The following SFMBT1 variants were observed in gnomAD, a reference collection of about 807,000 sequenced individuals.
SFMBT1 encodes scm-like with four MBT domains protein 1.
Under a neutral mutation model 108.7 loss-of-function variants are expected in SFMBT1, and 32 were observed. That is an observed-to-expected ratio of 0.29 (90% CI 0.22 to 0.40). The LOEUF is 0.40. Ranked by LOEUF, SFMBT1 falls within the 10% of genes least tolerant of loss-of-function variation. SFMBT1 has a pLI of 1.00. For synonymous variants in SFMBT1, 348 were observed against 369.5 expected, an observed-to-expected ratio of 0.94 and a Z score of 0.67; for missense variants, 816 against 1,059.6, an observed-to-expected ratio of 0.77 and a Z score of 3.19.
chr3:53,043,230 G>A (rs970180113), intron 1 of SFMBT1: 2 of 151,918 alleles, frequency 1.3e-5, no homozygotes, highest in African/African-American at 4.8e-5. Flanking sequence ...TTGCTTCAGT[G>A]GAGAATATTT....
At chr3:52,953,626 T>C (rs1219585071) in intron 3 of SFMBT1, among the ~76,000 whole-genome samples, 1 of 152,214 alleles carries the variant, frequency 6.6e-6, no homozygotes, top group Non-Finnish European at 1.5e-5. Flanking sequence ...CATGTCATAC[T>C]TATGTTCTGC....
At chr3:52,991,502 G>A (rs900212927) in intron 1 of SFMBT1, among the ~76,000 whole-genome samples, 8 of 151,556 alleles carry the variant, frequency 5.3e-5, no homozygotes, top group African/African-American at 1.2e-4. Flanking sequence ...GCGCCACCAT[G>A]CCTGGCTAAT....
chr3:52,924,574 G>A (rs11720488), intron 10 of SFMBT1, among the ~76,000 whole-genome samples: 13,650 of 152,036 alleles, frequency 0.09, 769 homozygotes, highest in Non-Finnish European at 0.13. Context: ...CCCGGGAGGC[G>A]GAGGTTGCAG....
chr3:53,017,077 T>C (rs1699149948), intron 1 of SFMBT1, among the ~76,000 whole-genome samples: 1 of 152,230 alleles, frequency 6.6e-6, no homozygotes, highest in Admixed American at 6.5e-5. Flanking sequence ...TATGCTACTA[T>C]GCTGAGTACT....
At chr3:52,928,479 G>T in intron 8 of SFMBT1, 138 bp from the exon 9 acceptor site, 1 of 814,858 alleles carries the variant, frequency 1.2e-6, no homozygotes, top group African/African-American at 1.7e-5. Flanking sequence ...TTAGCTCTGT[G>T]TTATGTAATA....
At chr3:52,965,142 T>C (rs1486390002) in intron 2 of SFMBT1, among the ~76,000 whole-genome samples, 1 of 152,068 alleles carries the variant, frequency 6.6e-6, no homozygotes, top group East Asian at 1.9e-4. Context: ...GTTGAGACTA[T>C]TCCCTTCCCT....
At chr3:52,969,405 C>T (rs1221162399) in intron 1 of SFMBT1, 147 bp from the exon 2 acceptor site, 8 of 711,694 alleles carry the variant, frequency 1.1e-5, no homozygotes, top group Admixed American at 3.9e-5. Context: ...AAATTGATAC[C>T]TTTTCTAATT....
At chr3:52,937,179 C>T (rs1703038064) in intron 4 of SFMBT1, among the ~76,000 whole-genome samples, 1 of 152,102 alleles carries the variant, frequency 6.6e-6, no homozygotes. Flanking sequence ...CTACCATATA[C>T]AAACAACTAT....
At chr3:52,976,779 A>T (rs1279601697) in intron 1 of SFMBT1, among the ~76,000 whole-genome samples, 1 of 152,246 alleles carries the variant, frequency 6.6e-6, no homozygotes, top group Non-Finnish European at 1.5e-5. Context: ...AATAACATGG[A>T]CATTTTTTTA....
At chr3:52,911,303 C>T (rs1702209566) in intron 16 of SFMBT1, 125 bp from the exon 17 acceptor site, 1 of 882,904 alleles carries the variant, frequency 1.1e-6, no homozygotes, top group East Asian at 2.8e-5. Flanking sequence ...CTTTATAGTT[C>T]AAGGGCCCTG....
chr3:52,930,376 C>T lies in SFMBT1; in HGVS notation c.850G>A (p.Val284Ile). ...ATCCCAAAAGGAGACCAGGGGTCTA[C>T]AGCTTCCAATTTCATGTTTACAGAG... Reference protein sequence around the residue: ...TFSVNMKLEAVDPWSPFGISP... With the variant: ...TFSVNMKLEAIDPWSPFGISP... The change falls in exon 8 of 21, where the codon GTA becomes ATA. Residue 284 changes from valine (V) to isoleucine (I), a missense_variant. Transcript: ENST00000394752. 6.2e-7 allele frequency: 1 copy of T among 1,613,684 alleles called. No individual in the cohort carries two copies. Among genetic ancestry groups the T allele is most frequent in the Non-Finnish European group, 8.5e-7 (1 of 1,179,572 alleles).
chr3:53,022,719 A>T (rs1403759104), intron 1 of SFMBT1, among the ~76,000 whole-genome samples: 1 of 152,196 alleles, frequency 6.6e-6, no homozygotes, highest in African/African-American at 2.4e-5. Context: ...TAAATTTCAT[A>T]GAACTGAAAA....
At chr3:52,995,996 G>A (rs1359463609) in intron 1 of SFMBT1, among the ~76,000 whole-genome samples, 6 of 148,388 alleles carry the variant, frequency 4.0e-5, no homozygotes, top group African/African-American at 1.2e-4. Flanking sequence ...ACTTGAACCC[G>A]GGAGGCGGAG....
chr3:52,907,617 A>G lies in SFMBT1; in HGVS notation c.2023T>C (p.Phe675Leu). 1.2e-6 allele frequency: 2 copies of G among 1,614,186 alleles called. No individual in the cohort carries two copies. The highest frequency in any genetic ancestry group is 1.7e-5 in the Admixed American group (1 of 60,026). ...GAGGAGCGTTTCTTCTTATGAACAA[A>G]AACATTTTTCCGCCTCTTTCTCCTC... ...SKRRKRRKNV[F>L]VHKKKRSSAS... The change falls in exon 18 of 21, where the codon TTT (phenylalanine) becomes CTT (leucine). Residue 675 changes from phenylalanine to leucine, a missense_variant. Transcript: ENST00000394752.
intron 1 of SFMBT1, among the ~76,000 whole-genome samples, chr3:53,030,054 T>C (rs576271066): frequency 2.0e-4 from 30 of 152,124 alleles, no homozygotes; most frequent in African/African-American, 7.0e-4. Flanking sequence ...AATTCAATTA[T>C]CATTAGTCTA....
At chr3:52,960,874 T>C (rs1559527544) in intron 2 of SFMBT1, among the ~76,000 whole-genome samples, 1 of 152,234 alleles carries the variant, frequency 6.6e-6, no homozygotes, top group East Asian at 1.9e-4. Flanking sequence ...CGGTGGCTCA[T>C]GCCTGTAATC....
chr3:52,997,487 G>T (rs903201632), intron 1 of SFMBT1, among the ~76,000 whole-genome samples: 4 of 148,628 alleles, frequency 2.7e-5, no homozygotes, highest in African/African-American at 7.3e-5. Flanking sequence ...AGTGAGCCGA[G>T]ATCATGCCAC....
At chr3:52,916,104 A>C in intron 14 of SFMBT1, 46 bp downstream of exon 14, 1 of 1,526,360 alleles carries the variant, frequency 6.6e-7, no homozygotes, top group East Asian at 2.3e-5. Context: ...ATAGTCCATT[A>C]AAAGAAACTA....
At chr3:52,930,123 C>T (rs1338143744) in intron 8 of SFMBT1, among the ~76,000 whole-genome samples, 1 of 152,232 alleles carries the variant, frequency 6.6e-6, no homozygotes, top group East Asian at 1.9e-4. Context: ...CCCAAGGCTG[C>T]TTTGGCTAGG....
Sources: allele counts gnomAD v4.1 joint callset (sites outside exome capture counted in the v4.1 genomes callset), GRCh38; gene constraint gnomAD v4.1.1; transcripts MANE v1.5; gene names NCBI Gene and HGNC (gene_info 2026-07-23, HGNC 2026-07-21).